The following RASSF8 variants were observed in gnomAD, a reference collection of about 807,000 sequenced individuals.
The protein encoded by RASSF8 is ras association domain-containing protein 8.
RASSF8 carries 22 observed loss-of-function variants against 48.5 expected under a neutral mutation model. That is an observed-to-expected ratio of 0.45 (90% CI 0.32 to 0.65). The LOEUF is 0.65. Ranked by LOEUF, RASSF8 falls within the 30% of genes least tolerant of loss-of-function variation. The pLI, the probability that RASSF8 is intolerant of heterozygous loss-of-function variation, is 0.03. For synonymous variants in RASSF8, 127 were observed against 171.5 expected, an observed-to-expected ratio of 0.74 and a Z score of 2.03; for missense variants, 418 against 489.2, an observed-to-expected ratio of 0.85 and a Z score of 1.37.
chr12:26,072,824 A>G lies in RASSF8; in HGVS notation c.*4006A>G. 1.1e-6 allele frequency: 1 copy of G among 913,324 alleles called. No homozygotes were observed. Among genetic ancestry groups the G allele is most frequent in the Non-Finnish European group, 1.3e-6 (1 of 764,490 alleles). The allele number at this position is 913,324 out of a possible 1,614,324, so 56.6% of individuals were successfully genotyped here. Reference sequence around the variant, plus strand: ...ATGAGCTGTAAAACAAAGAATCAATATTGGATATTCTCCCAAATAATAAAT... The same window carrying G: ...ATGAGCTGTAAAACAAAGAATCAATGTTGGATATTCTCCCAAATAATAAAT... On this transcript the variant is annotated 3_prime_UTR_variant, in exon 6 of 6. Transcript: ENST00000689635.
chr12:25,965,452 C>T (rs912287006), intron 1 of RASSF8, among the ~76,000 whole-genome samples: 4 of 150,062 alleles, frequency 2.7e-5, no homozygotes, highest in Non-Finnish European at 5.9e-5. Flanking sequence ...TCAACCACTG[C>T]CTCCTAGGTT....
intron 1 of RASSF8, among the ~76,000 whole-genome samples, chr12:25,968,687 T>C (rs706527): frequency 0.9 from 136,490 of 152,264 alleles, 61,319 homozygotes; most frequent in East Asian, 0.99. Context: ...CCAAACTGCA[T>C]GCCCCTCCAT....
chr12:26,034,786 C>T (rs57227138), intron 2 of RASSF8, among the ~76,000 whole-genome samples: 9,795 of 152,058 alleles, frequency 0.064, 365 homozygotes, highest in Middle Eastern at 0.13. Flanking sequence ...TTATTTATTA[C>T]ATCTTTTCCA....
At chr12:26,038,305 C>T (rs1025457925) in intron 2 of RASSF8, among the ~76,000 whole-genome samples, 4 of 152,080 alleles carry the variant, frequency 2.6e-5, no homozygotes, top group African/African-American at 9.7e-5. Flanking sequence ...AAGCTAAAAA[C>T]TGTAGTTTTG....
chr12:26,078,991 T>A, intron 5 of RASSF8: 1 of 1,523,720 alleles, frequency 6.6e-7, no homozygotes, highest in Non-Finnish European at 8.8e-7. Context: ...TCACCAACCT[T>A]AACTCTTTTT....
rs754158780 is a variant in RASSF8, at chr12:25,975,161, AT to A, written c.-203+16019del. Among the ~76,000 whole-genome samples the A allele has an allele frequency of 2.6e-5, 4 of 152,134 alleles. No individual in the cohort carries two copies. In the South Asian group the frequency reaches 8.3e-4, roughly 31 times the overall value. ...GAGCTAAGACTTGAGGATGAAAGGC[AT>A]TTTTTCTGGGAGGACACTCCATACA... is the stretch of plus-strand genomic sequence containing the variant. On this transcript the variant is annotated intron_variant, in intron 1 of 5. Coordinates refer to ENST00000689635, the MANE Select transcript of RASSF8 (RefSeq NM_001394098.1).
rs370734277 is a variant in RASSF8 at position 26,055,336 on chromosome 12, G to C, written c.-8G>C. The C allele has an allele frequency of 1.2e-6, 2 of 1,611,804 alleles. No individual in the cohort carries two copies. The highest frequency in any genetic ancestry group is 4.5e-5 in the East Asian group (2 of 44,856). The stretch of plus-strand genomic sequence containing the variant: ...TCTCAGGGACCTTGAGTGACTGGCC[G>C]GTGCACCATGGAACTTAAAGTATGG... On this transcript the variant is annotated 5_prime_UTR_variant, in exon 3 of 6. Coordinates refer to ENST00000689635, the MANE Select transcript of RASSF8 (RefSeq NM_001394098.1).
rs118015124 is a variant in RASSF8 at position 26,039,223 on chromosome 12, G to T, written c.-108-16013G>T. Among the ~76,000 whole-genome samples the T allele has an allele frequency of 7.0e-3, 1,069 of 152,280 alleles. 11 individuals are homozygous for T. The highest frequency in any genetic ancestry group is 0.012 in the Non-Finnish European group (837 of 68,032). ...CAGAAGAATTAGCTTTTGCTAAGTA[G>T]ATACGACAGTCTTCATTCTGTTTTT... On this transcript the variant is annotated intron_variant, in intron 2 of 5. Coordinates refer to ENST00000689635, the MANE Select transcript of RASSF8 (RefSeq NM_001394098.1).
At chr12:26,054,403 A>G (rs576994505) in intron 2 of RASSF8, among the ~76,000 whole-genome samples, 65 of 152,376 alleles carry the variant, frequency 4.3e-4, no homozygotes, top group Non-Finnish European at 8.2e-4. Context: ...AAACACAGCA[A>G]GTAGAACAAA....
At chr12:26,024,829 C>T (rs947340903) in intron 2 of RASSF8, among the ~76,000 whole-genome samples, 18 of 151,956 alleles carry the variant, frequency 1.2e-4, no homozygotes, top group South Asian at 1.0e-3. Flanking sequence ...TGGTGGCGGG[C>T]GCCTGTAGCC....
chr12:26,057,870 G>C (rs1017544097), intron 3 of RASSF8, among the ~76,000 whole-genome samples: 1 of 152,156 alleles, frequency 6.6e-6, no homozygotes, highest in Admixed American at 6.5e-5. Context: ...GCATTTCTCT[G>C]ATGGACAGTG....
chr12:25,987,285 G>A (rs1297531420), intron 1 of RASSF8, among the ~76,000 whole-genome samples: 1 of 152,194 alleles, frequency 6.6e-6, no homozygotes, highest in East Asian at 1.9e-4. Context: ...GAGTGTTCAT[G>A]ATATGAACTG....
intron 2 of RASSF8, among the ~76,000 whole-genome samples, chr12:26,054,537 T>G (rs1267797338): frequency 6.6e-6 from 1 of 152,186 alleles, no homozygotes; most frequent in African/African-American, 2.4e-5. Context: ...GGAATTCGTT[T>G]CCTTTGACTA....
At chr12:26,004,605 A>G (rs1942341734) in intron 2 of RASSF8, among the ~76,000 whole-genome samples, 1 of 152,208 alleles carries the variant, frequency 6.6e-6, no homozygotes, top group East Asian at 1.9e-4. Context: ...ACAATGAAGT[A>G]AGAGAAAAGA....
At chr12:25,985,593 T>C (rs1475511468) in intron 1 of RASSF8, among the ~76,000 whole-genome samples, 1 of 152,248 alleles carries the variant, frequency 6.6e-6, no homozygotes, top group Non-Finnish European at 1.5e-5. Flanking sequence ...AATCGGCAAT[T>C]ATCGAGGATC....
chr12:26,038,806 G>T (rs1184556710), intron 2 of RASSF8, among the ~76,000 whole-genome samples: 1 of 152,050 alleles, frequency 6.6e-6, no homozygotes, highest in Non-Finnish European at 1.5e-5. Context: ...GAATTTTATT[G>T]CCCTGATAAA....
At chr12:26,032,018 A>G (rs1943040514) in intron 2 of RASSF8, among the ~76,000 whole-genome samples, 1 of 152,162 alleles carries the variant, frequency 6.6e-6, no homozygotes, top group African/African-American at 2.4e-5. Flanking sequence ...CATGAAGGAA[A>G]CTTCCCATAT....
intron 3 of RASSF8, among the ~76,000 whole-genome samples, chr12:26,063,417 A>C (rs1943791040): frequency 6.6e-6 from 1 of 150,650 alleles, no homozygotes; most frequent in Admixed American, 6.6e-5. Flanking sequence ...TTTTTTTTTG[A>C]GACAGAGTCT....
At chr12:26,024,507 T>C (rs1329223089) in intron 2 of RASSF8, among the ~76,000 whole-genome samples, 1 of 152,066 alleles carries the variant, frequency 6.6e-6, no homozygotes, top group Non-Finnish European at 1.5e-5. Context: ...CAGACAAAAC[T>C]TTACAAGAAA....
Sources: allele counts gnomAD v4.1 joint callset (sites outside exome capture counted in the v4.1 genomes callset), GRCh38; gene constraint gnomAD v4.1.1; transcripts MANE v1.5; gene names NCBI Gene and HGNC (gene_info 2026-07-23, HGNC 2026-07-21).